Variants in UNC13B observed in about 807,000 individuals in gnomAD.
UNC13B encodes unc-13 homolog B.
Under a neutral mutation model 211.0 loss-of-function variants are expected in UNC13B, and 144 were observed. The observed-to-expected ratio is 0.68, with a 90% CI of 0.60 to 0.78. The LOEUF is 0.78. Ranked by LOEUF, UNC13B falls within the 30% of genes least tolerant of loss-of-function variation. UNC13B has a pLI of 0.00. For missense variants in UNC13B, 1,777 were observed against 2,002.0 expected, an observed-to-expected ratio of 0.89 and a Z score of 2.14; for synonymous variants, 709 against 725.8, an observed-to-expected ratio of 0.98 and a Z score of 0.37.
intron 8 of UNC13B, 132 bp downstream of exon 8, chr9:35,296,062 C>A: frequency 1.3e-6 from 1 of 759,794 alleles, no homozygotes; most frequent in Non-Finnish European, 2.1e-6. Flanking sequence ...AAACTACAGT[C>A]ATTTTGTGTA....
intron 1 of UNC13B, among the ~76,000 whole-genome samples, chr9:35,191,161 T>A (rs988158171): frequency 3.9e-5 from 6 of 152,182 alleles, no homozygotes; most frequent in Non-Finnish European, 7.3e-5. Flanking sequence ...GGTTTCACCA[T>A]GTTGGTCAGG....
intron 11 of UNC13B, among the ~76,000 whole-genome samples, chr9:35,336,251 A>T (rs937875170): frequency 1.3e-5 from 2 of 152,112 alleles, no homozygotes; most frequent in Admixed American, 6.5e-5. Context: ...ATGTGTTCAA[A>T]CCGTACTTAC....
chr9:35,261,407 A>G lies in UNC13B; in HGVS notation c.526+2357A>G, dbSNP rs375274735. 3.3e-5 allele frequency among the ~76,000 whole-genome samples: 5 copies of G among 152,314 alleles called. No homozygotes were observed. In the South Asian group the frequency reaches 1.0e-3, roughly 32 times the overall value. On this transcript the variant is annotated intron_variant, in intron 7 of 39. Transcript: ENST00000635942. Reference sequence around the variant, plus strand: ...AGTAATATTGTCTATAATACAGTCTATATTAAGAACTCCCTAATTGTCCCC... The same window carrying G: ...AGTAATATTGTCTATAATACAGTCTGTATTAAGAACTCCCTAATTGTCCCC...
chr9:35,207,439 A>T (rs1482869421), intron 1 of UNC13B, among the ~76,000 whole-genome samples: 39 of 151,540 alleles, frequency 2.6e-4, no homozygotes, highest in Admixed American at 2.0e-3. Flanking sequence ...ATTAAAAAAA[A>T]ATATTTTTTT....
intron 11 of UNC13B, among the ~76,000 whole-genome samples, chr9:35,358,279 AT>A (rs113044303): frequency 0.079 from 11,992 of 152,198 alleles, 1,590 homozygotes; most frequent in African/African-American, 0.27. Context: ...GTATACAAAT[AT>A]TTTTTGAGTC....
chr9:35,325,344 G>GA lies in UNC13B; in HGVS notation c.9414+11363dup, dbSNP rs907029850. The stretch of plus-strand genomic sequence containing the variant: ...CTCGCCTATTCTCACTTTTGGTTGA[G>GA]AAAAAAAATTTTTTTTATTTCCAAA... On this transcript the variant is annotated intron_variant, in intron 11 of 39. Coordinates refer to ENST00000635942, the MANE Select transcript of UNC13B (RefSeq NM_001371189.2). Among the ~76,000 whole-genome samples, 33 of 152,068 alleles carry GA rather than the reference G, an allele frequency of 2.2e-4. No individual in the cohort carries two copies. The East Asian group carries it at 3.3e-3, about 15-fold the overall frequency.
At chr9:35,381,492 C>G in intron 19 of UNC13B, 64 bp from the exon 20 acceptor site, 2 of 1,534,912 alleles carry the variant, frequency 1.3e-6, no homozygotes, top group Admixed American at 2.0e-5. Context: ...GCTTTACCAC[C>G]AAGTTTGTTT....
chr9:35,332,754 C>T (rs1831444873), intron 11 of UNC13B, among the ~76,000 whole-genome samples: 2 of 152,290 alleles, frequency 1.3e-5, no homozygotes, highest in South Asian at 4.1e-4. Flanking sequence ...TTCTTTGAAG[C>T]CTTTCCCAAA....
intron 11 of UNC13B, among the ~76,000 whole-genome samples, chr9:35,325,829 G>A (rs116272584): frequency 1.3e-5 from 2 of 152,132 alleles, no homozygotes; most frequent in Non-Finnish European, 2.9e-5. Context: ...ATCATATGTG[G>A]CCTACTGTGT....
rs1164862191 is a variant in UNC13B, at chr9:35,303,756, CATT to C, written c.4355_4357del (p.Leu1452del). 1 of 398,572 alleles carries C rather than the reference CATT, an allele frequency of 2.5e-6. No individual in the cohort carries two copies. The highest frequency in any genetic ancestry group is 4.4e-6 in the Non-Finnish European group (1 of 225,828). The allele number at this position is 398,572 out of a possible 1,614,324, so 24.7% of individuals were successfully genotyped here. Reference sequence around the variant, plus strand: ...AGAGGTGATGTGTGGGCAGCTAACTCATTATATGGAAACTCTGGTCCTCTTCCA... The same window carrying C: ...AGAGGTGATGTGTGGGCAGCTAACTCATATGGAAACTCTGGTCCTCTTCCA... On this transcript the variant is annotated inframe_deletion, in exon 9 of 40. Coordinates refer to ENST00000635942, the MANE Select transcript of UNC13B (RefSeq NM_001371189.2).
At chr9:35,237,640 GACTCTTGA>G in intron 4 of UNC13B, 55 bp from the exon 5 acceptor site, 9 of 1,582,830 alleles carry the variant, frequency 5.7e-6, no homozygotes, top group Non-Finnish European at 7.7e-6. Context: ...AAAAAAACCT[GACTCTTGA>G]ACTAAGAGGG....
intron 13 of UNC13B, among the ~76,000 whole-genome samples, chr9:35,371,550 T>C (rs966754207): frequency 6.6e-6 from 1 of 152,224 alleles, no homozygotes. Context: ...TCTGATGCCA[T>C]GTCTTCTTCA....
At chr9:35,389,149 C>T (rs1835367586) in intron 24 of UNC13B, among the ~76,000 whole-genome samples, 1 of 152,152 alleles carries the variant, frequency 6.6e-6, no homozygotes, top group Admixed American at 6.6e-5. Flanking sequence ...TCCACCCTCC[C>T]TGTGGTGACT....
At chr9:35,246,653 A>G (rs1826119408) in intron 6 of UNC13B, among the ~76,000 whole-genome samples, 1 of 152,144 alleles carries the variant, frequency 6.6e-6, no homozygotes, top group Non-Finnish European at 1.5e-5. Flanking sequence ...CAAAGATCAG[A>G]TGGTTGTAGA....
intron 37 of UNC13B, 151 bp from the exon 38 acceptor site, chr9:35,403,016 C>T (rs1291613602): frequency 8.3e-6 from 5 of 604,164 alleles, no homozygotes; most frequent in South Asian, 2.1e-5. Flanking sequence ...TGTTCTTTAT[C>T]CCATTTCTTT....
At chr9:35,358,889 G>C (rs1268669545) in intron 11 of UNC13B, among the ~76,000 whole-genome samples, 5 of 151,726 alleles carry the variant, frequency 3.3e-5, no homozygotes, top group African/African-American at 1.2e-4. Context: ...TAGTAGAGAG[G>C]AGGTTTCACC....
At chr9:35,281,248 CAAA>C (rs74176713) in intron 7 of UNC13B, among the ~76,000 whole-genome samples, 11 of 117,274 alleles carry the variant, frequency 9.4e-5, no homozygotes, top group Non-Finnish European at 1.0e-4. Context: ...GACTCTATCT[CAAA>C]AAAAAAAAAA....
chr9:35,231,449 G>T (rs1207687956), intron 3 of UNC13B, among the ~76,000 whole-genome samples: 1 of 152,162 alleles, frequency 6.6e-6, no homozygotes, highest in Non-Finnish European at 1.5e-5. Context: ...TGTTCTTAGA[G>T]ATGAATGATA....
At position 35,300,794 on chromosome 9, in the gene UNC13B, T is replaced by C. The variant is rs1029887476; in HGVS notation, c.1390T>C (p.Cys464Arg). 1 of 398,928 alleles carries C rather than the reference T, an allele frequency of 2.5e-6. No homozygotes were observed. The allele number at this position is 398,928 out of a possible 1,614,324, so 24.7% of individuals were successfully genotyped here. A position where few individuals can be genotyped will look rare whatever the true frequency, so the allele number is the denominator to read the frequency against. The change falls in exon 9 of 40, where the codon TGT becomes CGT. Residue 464 changes from cysteine to arginine, a missense_variant. Coordinates refer to ENST00000635942, the MANE Select transcript of UNC13B (RefSeq NM_001371189.2). ...DRIDTMDELQ[C>R]LVETVSEYLA... ...TATTGATACAATGGATGAGCTTCAGTGTTTGGTAGAAACGGTGTCAGAATA... is the reference window on the plus strand; with the variant it reads ...TATTGATACAATGGATGAGCTTCAGCGTTTGGTAGAAACGGTGTCAGAATA...
Sources: allele counts gnomAD v4.1 joint callset (sites outside exome capture counted in the v4.1 genomes callset), GRCh38; gene constraint gnomAD v4.1.1; transcripts MANE v1.5; gene names NCBI Gene and HGNC (gene_info 2026-07-23, HGNC 2026-07-21).